The following SENP8 variants were observed in gnomAD, a reference collection of about 807,000 sequenced individuals.
The protein encoded by SENP8 is sentrin-specific protease 8.
A neutral mutation model predicts 14.4 loss-of-function variants in SENP8; 10 were observed. That is an observed-to-expected ratio of 0.69 (90% CI 0.43 to 1.18). The LOEUF (loss-of-function observed/expected upper bound fraction) is 1.18. SENP8 is among the 50% of genes most tolerant of loss of function. SENP8 has a pLI of 0.00. For missense variants in SENP8, 202 were observed against 249.4 expected, an observed-to-expected ratio of 0.81 and a Z score of 1.28; for synonymous variants, 94 against 95.5, an observed-to-expected ratio of 0.98 and a Z score of 0.09.
Position 72,126,574 on chromosome 15 carries a change from G to A in SENP8, c.-48+8110G>A, listed in dbSNP as rs778831696. 3.3e-5 allele frequency among the ~76,000 whole-genome samples: 5 copies of A among 152,138 alleles called. No homozygotes were observed. The South Asian group carries it at 6.2e-4, about 19-fold the overall frequency. ...CAGGCAGCAGAGGTTGCAGTGAGCC[G>A]AGATTGCGCCACTACACTCCAGCCG... On this transcript the variant is annotated intron_variant, in intron 1 of 1. Coordinates refer to ENST00000340912, the MANE Select transcript of SENP8 (RefSeq NM_145204.4).
chr15:72,119,713 A>G (rs1210597091), intron 1 of SENP8, among the ~76,000 whole-genome samples: 1 of 152,112 alleles, frequency 6.6e-6, no homozygotes, highest in East Asian at 1.9e-4. Context: ...GCGCCACTGC[A>G]CTCCAGCCTG....
chr15:72,133,378 GCACCTCTA>G (rs2081294195), intron 1 of SENP8, among the ~76,000 whole-genome samples: 1 of 152,174 alleles, frequency 6.6e-6, no homozygotes, highest in African/African-American at 2.4e-5. Flanking sequence ...ATATTTGCCT[GCACCTCTA>G]CTACTCCCAC....
At chr15:72,135,004 G>T in intron 1 of SENP8, 1 of 324,498 alleles carries the variant, frequency 3.1e-6, no homozygotes, top group Non-Finnish European at 6.0e-6. Context: ...AGAGAAAAGA[G>T]CCTGGGTTCA....
chr15:72,133,950 T>G (rs2140516543), intron 1 of SENP8, among the ~76,000 whole-genome samples: 1 of 152,252 alleles, frequency 6.6e-6, no homozygotes. Flanking sequence ...TTATTTGTTT[T>G]GGGGGTTTTG....
intron 1 of SENP8, among the ~76,000 whole-genome samples, chr15:72,133,027 C>T (rs2081290087): frequency 6.6e-6 from 1 of 152,082 alleles, no homozygotes; most frequent in Non-Finnish European, 1.5e-5. Flanking sequence ...AAAAATTAGC[C>T]AGGCATGGTG....
At chr15:72,114,823 A>G (rs2080910013), upstream of SENP8, among the ~76,000 whole-genome samples, 2 of 152,228 alleles carry the variant, frequency 1.3e-5, no homozygotes, top group African/African-American at 2.4e-5. Flanking sequence ...GTCTTTGACT[A>G]ATATTTATTT....
At chr15:72,117,923 G>A (rs545074339), upstream of SENP8, 4 of 399,008 alleles carry the variant, frequency 1.0e-5, no homozygotes, top group African/African-American at 8.2e-5. Flanking sequence ...ACCCCGCCCA[G>A]AGAGCACGCG....
At chr15:72,119,069 G>A (rs1185452387) in intron 1 of SENP8, among the ~76,000 whole-genome samples, 1 of 152,224 alleles carries the variant, frequency 6.6e-6, no homozygotes. Flanking sequence ...AACCGTACTA[G>A]TGTAGACTTC....
At chr15:72,119,175 A>G (rs990703750) in intron 1 of SENP8, among the ~76,000 whole-genome samples, 1 of 152,230 alleles carries the variant, frequency 6.6e-6, no homozygotes, top group African/African-American at 2.4e-5. Context: ...TCAAAAGCGT[A>G]CCATGAAACC....
intron 1 of SENP8, among the ~76,000 whole-genome samples, chr15:72,128,497 T>C (rs1401631403): frequency 6.6e-6 from 1 of 152,160 alleles, no homozygotes; most frequent in Non-Finnish European, 1.5e-5. Context: ...ACAGAAAAAA[T>C]TGCCTGCCAC....
At chr15:72,126,390 G>C (rs2081219600) in intron 1 of SENP8, among the ~76,000 whole-genome samples, 2 of 152,096 alleles carry the variant, frequency 1.3e-5, no homozygotes, top group Non-Finnish European at 2.9e-5. Context: ...CTGAGAGGCC[G>C]AGGTGGGTGG....
chr15:72,119,323 AC>A (rs2081122327), intron 1 of SENP8, among the ~76,000 whole-genome samples: 1 of 152,198 alleles, frequency 6.6e-6, no homozygotes, highest in African/African-American at 2.4e-5. Flanking sequence ...CCCACTCTAG[AC>A]CAATTAAATT....
At chr15:72,118,171 A>C (rs555154764), upstream of SENP8, 4 of 359,850 alleles carry the variant, frequency 1.1e-5, no homozygotes, top group East Asian at 4.1e-5. Context: ...CACGCCCCCT[A>C]CTGCCAGCAC....
chr15:72,132,702 C>CT (rs2081286590), intron 1 of SENP8, among the ~76,000 whole-genome samples: 2 of 148,612 alleles, frequency 1.3e-5, no homozygotes, highest in Non-Finnish European at 3.0e-5. Flanking sequence ...ATCCCCCAGG[C>CT]TGGAGGGCAG....
chr15:72,132,245 CT>C (rs1442919021), intron 1 of SENP8, among the ~76,000 whole-genome samples: 1 of 152,108 alleles, frequency 6.6e-6, no homozygotes, highest in Non-Finnish European at 1.5e-5. Flanking sequence ...TGCCCTTCCC[CT>C]AGTCTTGCTT....
chr15:72,124,782 AG>A (rs925861404), intron 1 of SENP8, among the ~76,000 whole-genome samples: 22 of 152,280 alleles, frequency 1.4e-4, no homozygotes, highest in East Asian at 3.9e-4. Flanking sequence ...TTATTAAAAA[AG>A]GGGGAAAAAT....
Position 72,142,587 on chromosome 15 carries a change from G to T in SENP8, c.*2325G>T, listed in dbSNP as rs1452832866. 1 of 152,168 alleles carries T rather than the reference G, an allele frequency of 6.6e-6. No homozygotes were observed. The highest frequency in any genetic ancestry group is 2.4e-5 in the African/African-American group (1 of 41,420). The allele number at this position is 152,168 out of a possible 1,614,324, so 9.4% of individuals were successfully genotyped here. The stretch of plus-strand genomic sequence containing the variant: ...CCTGTTGTATTGCCCGGTAAGTATA[G>T]TCACACTTGTCCAACCCGTGTCTCA... On this transcript the variant is annotated 3_prime_UTR_variant, in exon 2 of 2. Coordinates refer to ENST00000340912, the MANE Select transcript of SENP8 (RefSeq NM_145204.4).
intron 1 of SENP8, among the ~76,000 whole-genome samples, chr15:72,129,263 C>T (rs2081248229): frequency 6.6e-6 from 1 of 152,114 alleles, no homozygotes; most frequent in African/African-American, 2.4e-5. Context: ...GGTGAGGTAG[C>T]TCACGCCTAT....
intron 1 of SENP8, among the ~76,000 whole-genome samples, chr15:72,132,552 T>A (rs1465421555): frequency 6.6e-6 from 1 of 152,068 alleles, no homozygotes; most frequent in Non-Finnish European, 1.5e-5. Context: ...CTTGGTTTTT[T>A]GCTAGGTCCC....
Sources: allele counts gnomAD v4.1 joint callset (sites outside exome capture counted in the v4.1 genomes callset), GRCh38; gene constraint gnomAD v4.1.1; transcripts MANE v1.5; gene names NCBI Gene and HGNC (gene_info 2026-07-23, HGNC 2026-07-21).